The following NTRK3 variants were observed in gnomAD, a reference collection of about 807,000 sequenced individuals.
NTRK3 encodes neurotrophic receptor tyrosine kinase 3, also known as NT-3 growth factor receptor.
NTRK3 carries 24 observed loss-of-function variants against 91.7 expected under a neutral mutation model. That is an observed-to-expected ratio of 0.26 (90% CI 0.19 to 0.37). The LOEUF is 0.37. Among genes scored for constraint, NTRK3 ranks in the 10% least tolerant of loss-of-function variants. NTRK3 has a pLI of 1.00. For synonymous variants in NTRK3, 483 were observed against 404.0 expected (o/e 1.20, Z -2.34); for missense variants, 880 against 1,068.9 (o/e 0.82, Z 2.46).
At chr15:88,176,738 T>C (rs1268656967) in intron 5 of NTRK3, among the ~76,000 whole-genome samples, 2 of 152,216 alleles carry the variant, frequency 1.3e-5, no homozygotes, top group Admixed American at 1.3e-4. Flanking sequence ...GGCATTGTTC[T>C]GAGTGCTGGA....
intron 17 of NTRK3, among the ~76,000 whole-genome samples, chr15:87,903,134 A>C (rs556647634): frequency 6.6e-6 from 1 of 152,316 alleles, no homozygotes; most frequent in East Asian, 1.9e-4. Flanking sequence ...GGAAGAGAGG[A>C]GGCAGCACTA....
chr15:88,222,663 G>A (rs1234850656), intron 3 of NTRK3, among the ~76,000 whole-genome samples: 1 of 152,152 alleles, frequency 6.6e-6, no homozygotes, highest in Non-Finnish European at 1.5e-5. Context: ...GCCCAGTTGT[G>A]AGGTGAAAGT....
rs547580606 is a variant in NTRK3 at position 87,885,119 on chromosome 15, G to A, written c.2134-4691C>T. Reference sequence around the variant, plus strand: ...AATCAAACTATTCTCACATGCCGGTGGCAATGACTTCAAAATACAATGGAA... The same window carrying A: ...AATCAAACTATTCTCACATGCCGGTAGCAATGACTTCAAAATACAATGGAA... On this transcript the variant is annotated intron_variant, in intron 17 of 18. Coordinates refer to ENST00000394480, the Ensembl canonical transcript of NTRK3. Among the ~76,000 whole-genome samples the A allele has an allele frequency of 5.1e-4, 78 of 151,916 alleles. 2 individuals carry two copies. In the South Asian group the frequency reaches 0.016, roughly 31 times the overall value.
chr15:88,243,608 C>T lies in NTRK3; in HGVS notation c.248+12298G>A, dbSNP rs1210524848. ...AAAAGGTATTCAATCATGTCTGACA[C>T]TCAAATTTAAGCTAAAAGAGGCTTT... On this transcript the variant is annotated intron_variant, in intron 3 of 18. Coordinates refer to ENST00000394480, the Ensembl canonical transcript of NTRK3. The surrounding 1 kb of genome is among the most constrained non-coding windows in gnomAD (Gnocchi z 4.8). Among the ~76,000 whole-genome samples the T allele has an allele frequency of 1.3e-5, 2 of 151,928 alleles. No homozygotes were observed. The highest frequency in any genetic ancestry group is 2.4e-5 in the African/African-American group (1 of 41,314).
chr15:87,892,083 A>C (rs1418041428), intron 17 of NTRK3, among the ~76,000 whole-genome samples: 1 of 141,342 alleles, frequency 7.1e-6, no homozygotes, highest in African/African-American at 2.8e-5. Context: ...CCCCATCCCC[A>C]ACACACACAC....
chr15:87,960,952 C>T (rs989187269), intron 14 of NTRK3, among the ~76,000 whole-genome samples: 3 of 152,216 alleles, frequency 2.0e-5, no homozygotes, highest in African/African-American at 7.2e-5. Flanking sequence ...TCTACCACTT[C>T]ACCCCCCTGA....
At chr15:88,137,866 C>T (rs1473056041) in intron 6 of NTRK3, among the ~76,000 whole-genome samples, 1 of 152,200 alleles carries the variant, frequency 6.6e-6, no homozygotes, top group East Asian at 1.9e-4. Context: ...TCCTGACCAA[C>T]ATGGTGAAAC....
At chr15:87,910,044 G>A in intron 17 of NTRK3, among the ~76,000 whole-genome samples, 1 of 152,292 alleles carries the variant, frequency 6.6e-6, no homozygotes, top group African/African-American at 2.4e-5. Flanking sequence ...CTGGCGCTGG[G>A]CCACCGGGGA....
intron 17 of NTRK3, among the ~76,000 whole-genome samples, chr15:87,926,111 C>T (rs192619821): frequency 2.0e-5 from 3 of 152,294 alleles, no homozygotes; most frequent in Admixed American, 6.5e-5. Context: ...GGTGGTTGCA[C>T]ATTAGGATGT....
intron 13 of NTRK3, among the ~76,000 whole-genome samples, chr15:88,080,400 G>A (rs1453903775): frequency 6.6e-6 from 1 of 152,168 alleles, no homozygotes; most frequent in Non-Finnish European, 1.5e-5. Context: ...TTTAATGGGG[G>A]AGAACAGAAT....
intron 13 of NTRK3, among the ~76,000 whole-genome samples, chr15:88,055,137 C>G (rs956135650): frequency 6.6e-6 from 1 of 152,174 alleles, no homozygotes; most frequent in African/African-American, 2.4e-5. Context: ...ATGCCAATCC[C>G]AGGCCCTGTG....
intron 3 of NTRK3, among the ~76,000 whole-genome samples, chr15:88,215,021 A>G (rs2049619856): frequency 6.6e-6 from 1 of 152,184 alleles, no homozygotes; most frequent in Non-Finnish European, 1.5e-5. Flanking sequence ...TGACAGCCCC[A>G]GGAAGATTCA....
chr15:88,226,792 A>G (rs942774977), intron 3 of NTRK3, among the ~76,000 whole-genome samples: 18 of 152,254 alleles, frequency 1.2e-4, no homozygotes, highest in African/African-American at 4.3e-4. Context: ...AGCCCTTAGC[A>G]TTGTACCAGG....
At position 88,108,633 on chromosome 15, in the gene NTRK3, T is replaced by C. The variant is rs186458382; in HGVS notation, c.1396+17638A>G. On this transcript the variant is annotated intron_variant, in intron 13 of 18. Coordinates refer to ENST00000394480, the Ensembl canonical transcript of NTRK3. ...GTAAAGCTCAAAAGATATCCAAAGA[T>C]AAATCAGAGTGTAGCCTGGGCTAGA... Among the ~76,000 whole-genome samples, 544 of 152,340 alleles carry C rather than the reference T, an allele frequency of 3.6e-3. 1 individual carries two copies. Among genetic ancestry groups the C allele is most frequent in the African/African-American group, 0.012 (519 of 41,580 alleles).
chr15:88,003,260 A>G (rs1358120035), intron 14 of NTRK3, among the ~76,000 whole-genome samples: 3 of 152,208 alleles, frequency 2.0e-5, no homozygotes, highest in Non-Finnish European at 4.4e-5. Flanking sequence ...GCAGCCAACT[A>G]TGAGCTTTGA....
intron 17 of NTRK3, among the ~76,000 whole-genome samples, chr15:87,908,817 G>T (rs1309816349): frequency 6.6e-6 from 1 of 152,018 alleles, no homozygotes; most frequent in African/African-American, 2.4e-5. Context: ...GGCACTCGGG[G>T]CTCCACCAGC....
At chr15:88,105,363 T>C (rs1035230092) in intron 13 of NTRK3, among the ~76,000 whole-genome samples, 1 of 152,130 alleles carries the variant, frequency 6.6e-6, no homozygotes, top group African/African-American at 2.4e-5. Context: ...ACTGCTACCT[T>C]AAAGAGTCAT....
intron 13 of NTRK3, among the ~76,000 whole-genome samples, chr15:88,102,391 T>C (rs958589329): frequency 1.3e-5 from 2 of 152,198 alleles, no homozygotes; most frequent in Non-Finnish European, 2.9e-5. Flanking sequence ...CTTGCAGGAA[T>C]GGTTAATGTG....
At chr15:87,875,435 G>A (rs1596043764) in exon 19 of NTRK3, 2 of 232,184 alleles carry the variant, frequency 8.6e-6, no homozygotes, top group African/African-American at 4.4e-5. Context: ...GGGGCAGAGG[G>A]AGCAGGCCCC....
Sources: allele counts gnomAD v4.1 joint callset (sites outside exome capture counted in the v4.1 genomes callset), GRCh38; gene constraint gnomAD v4.1.1; non-coding constraint Gnocchi (gnomAD v3.1); transcripts MANE v1.5; gene names NCBI Gene and HGNC (gene_info 2026-07-23, HGNC 2026-07-21).